The following GPAT4 variants were observed in gnomAD, a reference collection of about 807,000 sequenced individuals.
GPAT4 encodes 1-AGP acyltransferase 6.
In GPAT4, 17 loss-of-function variants were observed where a neutral mutation model predicts 58.0. The observed-to-expected ratio is 0.29, with a 90% CI of 0.20 to 0.44. The LOEUF is 0.44. Ranked by LOEUF, GPAT4 falls within the 20% of genes least tolerant of loss-of-function variation. The pLI is 1.00. For missense variants in GPAT4, 377 were observed against 574.5 expected (o/e 0.66, Z 3.51); for synonymous variants, 204 against 210.1 (o/e 0.97, Z 0.25).
Position 41,618,769 on chromosome 8 carries a change from C to T in GPAT4, c.1139C>T (p.Ala380Val), listed in dbSNP as rs1279068173. ...CTGCTGCGAATGATGACCAGCTGGG[C>T]CATTGTCTGCAGCGTGTGGTACCTG... ...TYLLRMMTSWAIVCSVWYLPP... is the reference protein window; with the variant it reads ...TYLLRMMTSWVIVCSVWYLPP... The change falls in exon 11 of 13, where the codon GCC becomes GTC. Residue 380 changes from alanine to valine, a missense_variant. Transcript: ENST00000396987. 6.2e-7 allele frequency: 1 copy of T among 1,614,238 alleles called. No homozygotes were observed. The highest frequency in any genetic ancestry group is 8.5e-7 in the Non-Finnish European group (1 of 1,180,046).
Position 41,601,191 on chromosome 8 carries a change from G to A in GPAT4, c.165+1887G>A, listed in dbSNP as rs545559265. Reference sequence around the variant, plus strand: ...TCTGGGTCCTTGCTACTCAGAGAGCGATCTGGAGAGCAGCTGCATGAGCAT... The same window carrying A: ...TCTGGGTCCTTGCTACTCAGAGAGCAATCTGGAGAGCAGCTGCATGAGCAT... On this transcript the variant is annotated intron_variant, in intron 2 of 12. Transcript: ENST00000396987. 3.3e-5 allele frequency among the ~76,000 whole-genome samples: 5 copies of A among 152,050 alleles called. No individual in the cohort carries two copies. In the South Asian group the frequency reaches 6.2e-4, roughly 19 times the overall value.
chr8:41,611,915 C>A lies in GPAT4; in HGVS notation c.624C>A (p.Phe208Leu). The A allele has an allele frequency of 6.2e-7, 1 of 1,614,112 alleles. No individual in the cohort carries two copies. Among genetic ancestry groups the A allele is most frequent in the South Asian group, 1.1e-5 (1 of 91,058 alleles). Residue 208 changes from phenylalanine to leucine, a missense_variant, in exon 6 of 13, where the codon TTC (phenylalanine) becomes TTA (leucine). By Grantham distance (22) the Phe-to-Leu change is conservative. Coordinates refer to ENST00000396987, the MANE Select transcript of GPAT4 (RefSeq NM_178819.4). ...CCTGTTATTGCAGGTTTAAGGAGTT[C>A]ATGAGTAAACATGTTCACTTAATGT... ...GYLPNGRFKE[F>L]MSKHVHLMCY...
chr8:41,615,101 G>A (rs1803556541), intron 10 of GPAT4, 53 bp downstream of exon 10: 3 of 1,489,816 alleles, frequency 2.0e-6, no homozygotes, highest in Middle Eastern at 1.7e-4. Context: ...CTGTGAGTGG[G>A]GTGCAGCAGG....
chr8:41,610,571 G>T (rs1173038341), intron 4 of GPAT4, 165 bp from the exon 5 acceptor site: 2 of 1,517,126 alleles, frequency 1.3e-6, no homozygotes, highest in East Asian at 2.5e-5. Context: ...AGGATCTCTG[G>T]TTCTGATAGG....
At chr8:41,614,473 C>T (rs370551112) in intron 9 of GPAT4, 32 bp downstream of exon 9, 2 of 1,606,042 alleles carry the variant, frequency 1.2e-6, no homozygotes, top group African/African-American at 2.7e-5. Flanking sequence ...CGAAGGGCTT[C>T]TGTGGGGAGT....
At chr8:41,600,603 A>G (rs1252223399) in intron 2 of GPAT4, among the ~76,000 whole-genome samples, 2 of 148,262 alleles carry the variant, frequency 1.3e-5, no homozygotes, top group African/African-American at 2.5e-5. Flanking sequence ...TTTTTTTTAC[A>G]TTTAAGAAAA....
chr8:41,607,379 C>G (rs1158968137), intron 2 of GPAT4, among the ~76,000 whole-genome samples: 1 of 152,168 alleles, frequency 6.6e-6, no homozygotes, highest in Non-Finnish European at 1.5e-5. Context: ...TTAGCAGATC[C>G]CTTTCCCATG....
Position 41,614,543 on chromosome 8 carries a change from T to C in GPAT4, c.967+102T>C. Reference sequence around the variant, plus strand: ...AGGCCCTCAGCCCTTGTTGGGGTTATCTGTTTTCACTGAATAATGTTAGGT... The same window carrying C: ...AGGCCCTCAGCCCTTGTTGGGGTTACCTGTTTTCACTGAATAATGTTAGGT... On this transcript the variant is annotated intron_variant, in intron 9 of 12. Transcript: ENST00000396987. 1.7e-6 allele frequency: 2 copies of C among 1,202,268 alleles called. 1 individual carries two copies. The highest frequency in any genetic ancestry group is 2.6e-5 in the South Asian group (2 of 76,832). The allele number at this position is 1,202,268 out of a possible 1,614,324, so 74.5% of individuals were successfully genotyped here.
chr8:41,621,030 T>C lies in GPAT4; in HGVS notation c.*29T>C. On this transcript the variant is annotated 3_prime_UTR_variant, in exon 13 of 13. Coordinates refer to ENST00000396987, the MANE Select transcript of GPAT4 (RefSeq NM_178819.4). The stretch of plus-strand genomic sequence containing the variant: ...TGCCTCCAGCTGGCTGGGGCCACCG[T>C]GCGGGGTGCCAACGGGCTCAGAGCT... The C allele has an allele frequency of 6.5e-7, 1 of 1,550,166 alleles. No homozygotes were observed. Among genetic ancestry groups the C allele is most frequent in the Non-Finnish European group, 8.7e-7 (1 of 1,146,888 alleles).
chr8:41,582,170 AT>A (rs1205296478), intron 1 of GPAT4, among the ~76,000 whole-genome samples: 1 of 150,014 alleles, frequency 6.7e-6, no homozygotes, highest in Non-Finnish European at 1.5e-5. Context: ...CGCCCAGTTA[AT>A]TTTTGTATTT....
chr8:41,605,929 G>A (rs537892756), intron 2 of GPAT4, among the ~76,000 whole-genome samples: 34 of 152,254 alleles, frequency 2.2e-4, no homozygotes, highest in African/African-American at 6.3e-4. Flanking sequence ...CATGTGGATC[G>A]GAGGGAAGCA....
intron 1 of GPAT4, among the ~76,000 whole-genome samples, chr8:41,586,145 T>C (rs909025808): frequency 2.6e-5 from 4 of 151,972 alleles, no homozygotes; most frequent in Non-Finnish European, 5.9e-5. Context: ...TCTGTGTAGA[T>C]TTGCCTATTT....
intron 1 of GPAT4, among the ~76,000 whole-genome samples, chr8:41,589,356 G>A (rs1339528747): frequency 7.3e-6 from 1 of 136,994 alleles, no homozygotes; most frequent in African/African-American, 2.8e-5. Flanking sequence ...GGGGTGGGGT[G>A]TGGCGGGATG....
intron 1 of GPAT4, among the ~76,000 whole-genome samples, chr8:41,597,857 C>T (rs948618484): frequency 5.3e-5 from 8 of 152,180 alleles, no homozygotes; most frequent in East Asian, 1.9e-4. Flanking sequence ...CCATTGGTGA[C>T]GGAGAACCAT....
chr8:41,619,654 G>A (rs138046755), intron 12 of GPAT4, among the ~76,000 whole-genome samples: 10 of 152,272 alleles, frequency 6.6e-5, no homozygotes, highest in African/African-American at 2.4e-4. Flanking sequence ...GACTGACAGG[G>A]GTCAATGCTG....
chr8:41,621,098 T>G lies in GPAT4; in HGVS notation c.*97T>G. 1 of 1,488,304 alleles carries G rather than the reference T, an allele frequency of 6.7e-7. No homozygotes were observed. Among genetic ancestry groups the G allele is most frequent in the African/African-American group, 1.4e-5 (1 of 71,754 alleles). The allele number at this position is 1,488,304 out of a possible 1,614,324, so 92.2% of individuals were successfully genotyped here. ...CCCCACTGCTGTGTCCTTTCCAGAC[T>G]CCAGGGCTCCCCGGGCTGCTCTGGA... On this transcript the variant is annotated 3_prime_UTR_variant, in exon 13 of 13. Transcript: ENST00000396987.
At chr8:41,606,537 A>G (rs1249564933) in intron 2 of GPAT4, among the ~76,000 whole-genome samples, 1 of 152,194 alleles carries the variant, frequency 6.6e-6, no homozygotes, top group East Asian at 1.9e-4. Context: ...CTGAAGATTC[A>G]CTGAAAAATC....
intron 1 of GPAT4, among the ~76,000 whole-genome samples, chr8:41,579,382 G>C (rs1373398032): frequency 6.6e-6 from 1 of 152,146 alleles, no homozygotes; most frequent in Non-Finnish European, 1.5e-5. Context: ...AGATGAGTCT[G>C]TCAAAAGTAG....
At chr8:41,613,298 A>G (rs1166407841) in intron 8 of GPAT4, among the ~76,000 whole-genome samples, 1 of 152,140 alleles carries the variant, frequency 6.6e-6, no homozygotes, top group Non-Finnish European at 1.5e-5. Context: ...AGGCAGGAGA[A>G]TAGTTTGAAC....
Sources: gnomAD v4.1 joint callset for allele counts (sites outside exome capture counted in the v4.1 genomes callset) on GRCh38, gnomAD v4.1.1 for gene constraint, MANE v1.5 for transcripts, NCBI Gene and HGNC (gene_info 2026-07-23, HGNC 2026-07-21) for gene names.